Variants in JAM3 observed in about 807,000 individuals in gnomAD.
JAM3 encodes the protein junctional adhesion molecule C.
In JAM3, 31 loss-of-function variants were observed where a neutral mutation model predicts 39.4. That is an observed-to-expected ratio of 0.79 (90% CI 0.59 to 1.06). The LOEUF is 1.06. JAM3 is among the 50% of genes least tolerant of loss of function. The pLI is 0.00. For missense variants in JAM3, 455 were observed against 391.4 expected (o/e 1.16, Z -1.37); for synonymous variants, 182 against 148.7 (o/e 1.22, Z -1.63).
At chr11:134,090,264 A>C (rs1277999225) in intron 1 of JAM3, among the ~76,000 whole-genome samples, 1 of 152,204 alleles carries the variant, frequency 6.6e-6, no homozygotes, top group Non-Finnish European at 1.5e-5. Flanking sequence ...TTGCCTGTTC[A>C]CTGTGATGGT....
At chr11:134,086,419 G>T (rs1555112747) in intron 1 of JAM3, among the ~76,000 whole-genome samples, 4 of 150,922 alleles carry the variant, frequency 2.7e-5, no homozygotes, top group Non-Finnish European at 4.4e-5. Context: ...TTTTTTTAAA[G>T]AAAACAAAAA....
intron 1 of JAM3, among the ~76,000 whole-genome samples, chr11:134,127,523 A>G (rs1273899377): frequency 6.6e-6 from 1 of 152,084 alleles, no homozygotes; most frequent in Non-Finnish European, 1.5e-5. Flanking sequence ...ACATGGTGAA[A>G]CCCCGTTTCT....
At chr11:134,076,529 A>C (rs1007789117) in intron 1 of JAM3, among the ~76,000 whole-genome samples, 5 of 152,158 alleles carry the variant, frequency 3.3e-5, no homozygotes, top group African/African-American at 7.2e-5. Context: ...AAATATCTGA[A>C]GTTCTTAGAG....
intron 1 of JAM3, among the ~76,000 whole-genome samples, chr11:134,091,734 G>A (rs796288060): frequency 3.9e-5 from 6 of 152,124 alleles, no homozygotes; most frequent in African/African-American, 1.4e-4. Context: ...ACTAAGTCTG[G>A]ATCAAGGATG....
chr11:134,086,455 GA>G (rs1565483533), intron 1 of JAM3, among the ~76,000 whole-genome samples: 3 of 151,898 alleles, frequency 2.0e-5, no homozygotes, highest in Admixed American at 6.6e-5. Flanking sequence ...CATGAGTAAA[GA>G]AGAAAAATTT....
rs1223258393 is a variant in JAM3, at chr11:134,151,007, C to T, written c.*1826C>T. 2.0e-5 allele frequency: 3 copies of T among 152,236 alleles called. No homozygotes were observed. The highest frequency in any genetic ancestry group is 4.4e-5 in the Non-Finnish European group (3 of 68,048). 9.4% of individuals were successfully genotyped at this position (152,236 alleles called of 1,614,324 possible). A position where few individuals can be genotyped will look rare whatever the true frequency, so the allele number is the denominator to read the frequency against. On this transcript the variant is annotated 3_prime_UTR_variant, in exon 9 of 9. Transcript: ENST00000299106. ...GACATTAGCAACATCACTCAGAAGC[C>T]TGTGTTCTTCAAGAGCAGGTGTTCT...
Position 134,144,808 on chromosome 11 carries a change from T to G in JAM3, c.426T>G (p.Pro142=). ...TCCCCACAGTGAAGCCAGTGACCCC[T>G]GTCTGTAGAGTGCCGAAGGCTGTAC... ...ELTVQVKPVT[P]VCRVPKAVPV... is the part of the protein sequence containing the mutation. Residue 142 remains proline, a synonymous_variant, in exon 5 of 9, where the codon CCT becomes CCG. Coordinates refer to ENST00000299106, the MANE Select transcript of JAM3 (RefSeq NM_032801.5). The G allele has an allele frequency of 6.2e-7, 1 of 1,614,078 alleles. No individual in the cohort carries two copies. The highest frequency in any genetic ancestry group is 8.5e-7 in the Non-Finnish European group (1 of 1,179,964).
At chr11:134,094,812 A>T (rs181038079) in intron 1 of JAM3, among the ~76,000 whole-genome samples, 10 of 152,230 alleles carry the variant, frequency 6.6e-5, no homozygotes, top group African/African-American at 2.2e-4. Flanking sequence ...TTTGTGTATT[A>T]TTAGAAGGCA....
chr11:134,101,619 TG>T (rs1942074055), intron 1 of JAM3, among the ~76,000 whole-genome samples: 3 of 152,226 alleles, frequency 2.0e-5, no homozygotes, highest in Admixed American at 6.5e-5. Flanking sequence ...TTTGTGCCTT[TG>T]TAATGATAGT....
At chr11:134,117,813 G>A (rs1942465513) in intron 1 of JAM3, among the ~76,000 whole-genome samples, 1 of 152,168 alleles carries the variant, frequency 6.6e-6, no homozygotes, top group Non-Finnish European at 1.5e-5. Context: ...TTCAGATTCT[G>A]AAGAAGGGTG....
At chr11:134,096,771 C>A (rs1220326644) in intron 1 of JAM3, among the ~76,000 whole-genome samples, 2 of 152,146 alleles carry the variant, frequency 1.3e-5, no homozygotes, top group Non-Finnish European at 2.9e-5. Context: ...GAGTAATGAA[C>A]ACGATTGGAT....
intron 3 of JAM3, among the ~76,000 whole-genome samples, chr11:134,141,978 AAG>A (rs1163714344): frequency 2.0e-5 from 3 of 151,854 alleles, no homozygotes; most frequent in Non-Finnish European, 4.4e-5. Flanking sequence ...GTCTCCTCAA[AAG>A]AGTTTTGCTT....
intron 1 of JAM3, among the ~76,000 whole-genome samples, chr11:134,101,897 T>G (rs1283914836): frequency 6.6e-6 from 1 of 152,094 alleles, no homozygotes; most frequent in Non-Finnish European, 1.5e-5. Context: ...CAAGACCGCA[T>G]TTTTACAAAA....
At chr11:134,145,905 C>T in intron 5 of JAM3, 41 bp from the exon 6 acceptor site, 1 of 1,395,000 alleles carries the variant, frequency 7.2e-7, no homozygotes, top group Non-Finnish European at 1.0e-6. Flanking sequence ...AAATCGGCCC[C>T]ATGATGGGTC....
intron 1 of JAM3, among the ~76,000 whole-genome samples, chr11:134,089,981 A>AT (rs1941815531): frequency 1.3e-5 from 2 of 152,208 alleles, no homozygotes; most frequent in African/African-American, 2.4e-5. Context: ...TTGTTTCCTG[A>AT]CTTTTTAATG....
At chr11:134,118,984 T>C (rs1942487010) in intron 1 of JAM3, among the ~76,000 whole-genome samples, 1 of 151,902 alleles carries the variant, frequency 6.6e-6, no homozygotes, top group South Asian at 2.1e-4. Flanking sequence ...TTTTTTTTTT[T>C]TGATACAGAG....
chr11:134,079,229 TTGTC>T lies in JAM3; in HGVS notation c.76+10073_76+10076del, dbSNP rs376617716. Among the ~76,000 whole-genome samples the T allele has an allele frequency of 5.9e-5, 9 of 152,302 alleles. 1 individual carries two copies. The highest frequency in any genetic ancestry group is 1.9e-4 in the African/African-American group (8 of 41,560). On this transcript the variant is annotated intron_variant, in intron 1 of 8. Coordinates refer to ENST00000299106, the MANE Select transcript of JAM3 (RefSeq NM_032801.5). The stretch of plus-strand genomic sequence containing the variant: ...CTATAATCTCTGTCCTTGAATTAGT[TTGTC>T]TGAAAAGCAAACATCTATCATTAAC...
chr11:134,104,493 G>T (rs1942142251), intron 1 of JAM3, among the ~76,000 whole-genome samples: 1 of 152,014 alleles, frequency 6.6e-6, no homozygotes, highest in African/African-American at 2.4e-5. Context: ...CAGAAGGCAA[G>T]AAATAACTAA....
intron 1 of JAM3, among the ~76,000 whole-genome samples, chr11:134,076,131 CCTTTT>C (rs373065158): frequency 8.1e-4 from 120 of 147,956 alleles, no homozygotes; most frequent in South Asian, 1.3e-3. Context: ...TTTTTTTACT[CCTTTT>C]CTTTTCTTTT....
Sources: allele counts gnomAD v4.1 joint callset (sites outside exome capture counted in the v4.1 genomes callset), GRCh38; gene constraint gnomAD v4.1.1; transcripts MANE v1.5; gene names NCBI Gene and HGNC (gene_info 2026-07-23, HGNC 2026-07-21).